The following PPP2R5E variants were observed in gnomAD, a reference collection of about 807,000 sequenced individuals.
PPP2R5E encodes the protein serine/threonine-protein phosphatase 2A 56 kDa regulatory subunit epsilon isoform.
In PPP2R5E, 4 loss-of-function variants were observed where a neutral mutation model predicts 65.3. The observed-to-expected ratio is 0.06, with a 90% confidence interval of 0.03 to 0.14. The LOEUF (loss-of-function observed/expected upper bound fraction) is 0.14, where lower values mean the gene tolerates loss of function less well. Ranked by LOEUF, PPP2R5E falls within the 10% of genes least tolerant of loss-of-function variation. PPP2R5E has a pLI of 1.00. For synonymous variants in PPP2R5E, 183 were observed against 187.4 expected (o/e 0.98, Z 0.19); for missense variants, 274 against 556.1 (o/e 0.49, Z 5.10).
At chr14:63,504,144 T>C (rs927316902) in intron 2 of PPP2R5E, among the ~76,000 whole-genome samples, 3 of 152,158 alleles carry the variant, frequency 2.0e-5, no homozygotes, top group Non-Finnish European at 4.4e-5. Flanking sequence ...CCGTAACACC[T>C]GAGTAGCCAC....
At chr14:63,497,409 C>T (rs1252015949) in intron 2 of PPP2R5E, among the ~76,000 whole-genome samples, 1 of 152,086 alleles carries the variant, frequency 6.6e-6, no homozygotes, top group Non-Finnish European at 1.5e-5. Context: ...ACACCTCTTC[C>T]ATCTCCAAAG....
intron 2 of PPP2R5E, among the ~76,000 whole-genome samples, chr14:63,533,669 C>T (rs1423363171): frequency 1.3e-5 from 2 of 152,104 alleles, no homozygotes; most frequent in African/African-American, 4.8e-5. Context: ...GGCGGCCGGG[C>T]GCGGTGGCTC....
rs550715415 is a variant in PPP2R5E at position 63,422,455 on chromosome 14, A to C, written c.355-361T>G. Among the ~76,000 whole-genome samples the C allele has an allele frequency of 3.2e-3, 491 of 152,276 alleles. 1 individual carries two copies. The highest frequency in any genetic ancestry group is 0.011 in the African/African-American group (470 of 41,562). ...AAATAAATAACTGCTGGCCGGGCGC[A>C]GTGGCTCACGCCTGTAATCCCAGCA... is the stretch of plus-strand genomic sequence containing the variant. On this transcript the variant is annotated intron_variant, in intron 3 of 13. Transcript: ENST00000337537.
intron 2 of PPP2R5E, among the ~76,000 whole-genome samples, chr14:63,489,164 A>G (rs943823404): frequency 6.6e-6 from 1 of 151,922 alleles, no homozygotes; most frequent in African/African-American, 2.4e-5. Context: ...TGATTTAATT[A>G]CTTTTTGCAT....
intron 2 of PPP2R5E, among the ~76,000 whole-genome samples, chr14:63,505,014 T>C (rs1892090820): frequency 6.6e-6 from 1 of 152,120 alleles, no homozygotes; most frequent in Non-Finnish European, 1.5e-5. Flanking sequence ...AGTTATGAAA[T>C]CTTAGAGCTG....
At chr14:63,530,408 T>C (rs528321265) in intron 2 of PPP2R5E, among the ~76,000 whole-genome samples, 28 of 151,790 alleles carry the variant, frequency 1.8e-4, no homozygotes, top group African/African-American at 6.5e-4. Flanking sequence ...AATTTTTGTA[T>C]TTTTAATAGA....
intron 2 of PPP2R5E, among the ~76,000 whole-genome samples, chr14:63,522,669 G>C (rs1343691832): frequency 6.7e-6 from 1 of 148,946 alleles, no homozygotes; most frequent in Non-Finnish European, 1.5e-5. Flanking sequence ...GTCTCTGCCC[G>C]GCCGCGACCC....
At chr14:63,519,160 G>A (rs1243682342) in intron 2 of PPP2R5E, among the ~76,000 whole-genome samples, 1 of 152,018 alleles carries the variant, frequency 6.6e-6, no homozygotes. Context: ...GTTGCAGTGA[G>A]CCAAGATCGT....
intron 10 of PPP2R5E, among the ~76,000 whole-genome samples, chr14:63,390,014 A>C (rs969060955): frequency 6.6e-6 from 1 of 152,088 alleles, no homozygotes; most frequent in Non-Finnish European, 1.5e-5. Flanking sequence ...CCTGAGAAGC[A>C]AAACTGACCC....
intron 2 of PPP2R5E, among the ~76,000 whole-genome samples, chr14:63,462,595 T>C (rs1410100185): frequency 6.6e-6 from 1 of 152,154 alleles, no homozygotes; most frequent in Non-Finnish European, 1.5e-5. Context: ...AGTTTTAGAA[T>C]ATAGTAGGTA....
chr14:63,500,907 T>C (rs1408193628), intron 2 of PPP2R5E, among the ~76,000 whole-genome samples: 1 of 151,950 alleles, frequency 6.6e-6, no homozygotes, highest in Non-Finnish European at 1.5e-5. Flanking sequence ...CATCCTAGCG[T>C]AACAGCAGCT....
At position 63,384,440 on chromosome 14, in the gene PPP2R5E, C is replaced by T; in HGVS notation, c.1202+4G>A. On this transcript the variant is annotated splice_donor_region_variant and intron_variant, in intron 12 of 13. Transcript: ENST00000337537. ...AGAACGGAGGAAAGAAACTGAAAAC[C>T]TACGGATTCCAATGTTCTTTTGAAA... 1 of 1,611,834 alleles carries T rather than the reference C, an allele frequency of 6.2e-7. No individual in the cohort carries two copies. Among genetic ancestry groups the T allele is most frequent in the East Asian group, 2.2e-5 (1 of 44,840 alleles).
intron 2 of PPP2R5E, among the ~76,000 whole-genome samples, chr14:63,480,106 C>T (rs1474281055): frequency 6.6e-6 from 1 of 152,218 alleles, no homozygotes; most frequent in Non-Finnish European, 1.5e-5. Flanking sequence ...ACCAATCTTA[C>T]TCCACAGATA....
At chr14:63,513,840 T>A (rs1892555914) in intron 2 of PPP2R5E, among the ~76,000 whole-genome samples, 2 of 152,086 alleles carry the variant, frequency 1.3e-5, no homozygotes, top group Admixed American at 1.3e-4. Flanking sequence ...CTGATATGAA[T>A]CCCTATAAGG....
chr14:63,481,608 A>T (rs943129405), intron 2 of PPP2R5E, among the ~76,000 whole-genome samples: 1 of 152,074 alleles, frequency 6.6e-6, no homozygotes, highest in Non-Finnish European at 1.5e-5. Flanking sequence ...CCACAGTCCT[A>T]TGCATTTCAT....
chr14:63,535,640 C>T (rs1202039044), intron 2 of PPP2R5E, among the ~76,000 whole-genome samples: 1 of 152,096 alleles, frequency 6.6e-6, no homozygotes, highest in Non-Finnish European at 1.5e-5. Flanking sequence ...AGATGAGTTA[C>T]ATAATCACTG....
chr14:63,527,525 T>A (rs965368851), intron 2 of PPP2R5E, among the ~76,000 whole-genome samples: 2 of 152,262 alleles, frequency 1.3e-5, no homozygotes, highest in Non-Finnish European at 2.9e-5. Flanking sequence ...CTTCAACTCA[T>A]ACAGTGTATC....
At chr14:63,393,495 T>C (rs1320382552) in intron 8 of PPP2R5E, among the ~76,000 whole-genome samples, 2 of 152,124 alleles carry the variant, frequency 1.3e-5, no homozygotes, top group South Asian at 2.1e-4. Context: ...GGGCGGATCA[T>C]GAGGTCAGAA....
At chr14:63,382,283 T>G in intron 12 of PPP2R5E, 126 bp from the exon 13 acceptor site, 4 of 521,268 alleles carry the variant, frequency 7.7e-6, no homozygotes, top group Admixed American at 3.6e-5. Context: ...GTATCCTTTT[T>G]TAGTTGGAAC....
Sources: allele counts gnomAD v4.1 joint callset (sites outside exome capture counted in the v4.1 genomes callset), GRCh38; gene constraint gnomAD v4.1.1; transcripts MANE v1.5; gene names NCBI Gene and HGNC (gene_info 2026-07-23, HGNC 2026-07-21).